NHS: variants seen among roughly 807,000 people sequenced by gnomAD.
NHS encodes the protein actin remodeling regulator NHS.
In NHS, 5 loss-of-function variants were observed where a neutral mutation model predicts 72.5. The observed-to-expected ratio is 0.07, with a 90% CI of 0.04 to 0.14. The LOEUF (loss-of-function observed/expected upper bound fraction) is 0.14, where lower values mean the gene tolerates loss of function less well. NHS is among the 10% of genes least tolerant of loss of function. The probability of loss-of-function intolerance (pLI) is 1.00; values close to 1 mark genes in which losing one functional copy is unlikely to be tolerated. For synonymous variants in NHS, 464 were observed against 547.7 expected, an observed-to-expected ratio of 0.85 and a Z score of 2.13; for missense variants, 1,072 against 1,355.7, an observed-to-expected ratio of 0.79 and a Z score of 3.29.
intron 1 of NHS, among the ~76,000 whole-genome samples, chrX:17,475,866 G>C (rs1484985462): frequency 9.0e-6 from 1 of 111,704 alleles, no homozygotes; most frequent in African/African-American, 3.3e-5. Context: ...CAGCCACCTT[G>C]CTCTTTGCCT....
At chrX:17,439,732 A>G (rs1394470217) in intron 1 of NHS, among the ~76,000 whole-genome samples, 2 of 112,474 alleles carry the variant, frequency 1.8e-5, no homozygotes, top group Non-Finnish European at 3.7e-5. Flanking sequence ...ACAATGCTAG[A>G]ATGAACATAC....
intron 1 of NHS, among the ~76,000 whole-genome samples, chrX:17,654,759 C>T (rs1423346977): frequency 1.8e-5 from 2 of 112,537 alleles, no homozygotes; most frequent in African/African-American, 6.5e-5. Context: ...TCCCACAAGT[C>T]ATCTTTGGAT....
intron 1 of NHS, among the ~76,000 whole-genome samples, chrX:17,546,329 CAA>C (rs2065293093): frequency 8.9e-6 from 1 of 112,186 alleles, no homozygotes; most frequent in South Asian, 3.7e-4. Context: ...GTGCAGCTGG[CAA>C]AACAGAAATG....
In NHS at chrX:17,732,247, C is replaced by A. The variant is rs754923697; in HGVS notation, c.4739C>A (p.Ser1580Tyr). The change falls in exon 9 of 9, where the codon TCC becomes TAC. Residue 1580 changes from serine (S) to tyrosine (Y), a missense_variant. Coordinates refer to ENST00000676302, the MANE Select transcript of NHS (RefSeq NM_001291867.2). ...AEALSPLSPC[S>Y]PRVNAEGFSS... ...GCATTGTCCCCACTCTCTCCATGCT[C>A]CCCACGAGTTAATGCAGAAGGCTTT... 3.3e-6 allele frequency: 4 copies of A among 1,210,443 alleles called. No individual in the cohort carries two copies. In the South Asian group the frequency reaches 7.0e-5, roughly 21 times the overall value.
chrX:17,378,689 T>TA (rs2064359209), intron 1 of NHS, among the ~76,000 whole-genome samples: 1 of 112,203 alleles, frequency 8.9e-6, no homozygotes, highest in Non-Finnish European at 1.9e-5. Context: ...TGGTTAGCCC[T>TA]GTGGGCAACT....
intron 1 of NHS, among the ~76,000 whole-genome samples, chrX:17,519,291 G>GA (rs1258073630): frequency 8.9e-6 from 1 of 112,215 alleles, no homozygotes; most frequent in Non-Finnish European, 1.9e-5. Flanking sequence ...CCTCACAGCA[G>GA]AAAAAATCCT....
intron 1 of NHS, chrX:17,635,548 G>C: frequency 2.6e-6 from 3 of 1,167,786 alleles, no homozygotes; most frequent in Non-Finnish European, 3.4e-6. Context: ...TCCTTAAGGA[G>C]CAGAGCGGGA....
chrX:17,446,742 G>A (rs928864733), intron 1 of NHS, among the ~76,000 whole-genome samples: 1 of 110,622 alleles, frequency 9.0e-6, no homozygotes, highest in African/African-American at 3.3e-5. Context: ...TAATATTTTG[G>A]TGTATATCCT....
At chrX:17,441,955 T>G (rs922321865) in intron 1 of NHS, among the ~76,000 whole-genome samples, 2 of 112,123 alleles carry the variant, frequency 1.8e-5, no homozygotes, top group African/African-American at 6.5e-5. Context: ...GGAGGACTTG[T>G]TTAAACAAGA....
intron 1 of NHS, among the ~76,000 whole-genome samples, chrX:17,543,356 A>C (rs146561105): frequency 8.9e-6 from 1 of 112,347 alleles, no homozygotes; most frequent in East Asian, 2.8e-4. Context: ...AATGCTTAAC[A>C]TTGTCCTAAG....
intron 1 of NHS, among the ~76,000 whole-genome samples, chrX:17,411,370 A>T (rs757938745): frequency 9.0e-6 from 1 of 111,564 alleles, no homozygotes; most frequent in Non-Finnish European, 1.9e-5. Flanking sequence ...GGCGCCAATA[A>T]ATTACACTTG....
At chrX:17,384,786 G>A (rs957916027) in intron 1 of NHS, among the ~76,000 whole-genome samples, 1 of 111,646 alleles carries the variant, frequency 9.0e-6, no homozygotes, top group African/African-American at 3.3e-5. Context: ...AAATTTTAGG[G>A]TCAAGGACAA....
At chrX:17,608,200 C>T (rs1476295813) in intron 1 of NHS, among the ~76,000 whole-genome samples, 1 of 111,482 alleles carries the variant, frequency 9.0e-6, no homozygotes, top group Non-Finnish European at 1.9e-5. Flanking sequence ...CAGGCGTGAG[C>T]CACCATGCCT....
At position 17,725,405 on chromosome X, in the gene NHS, C is replaced by A. The variant is rs200022378; in HGVS notation, c.1299C>A (p.Asp433Glu). ...ATGTGATTGTGCACACAAACCCAGA[C>A]CCCTCCAACACTGTCAATAGGATAT... ...ERNVIVHTNPDPSNTVNRISG... is the reference protein window; with the variant it reads ...ERNVIVHTNPEPSNTVNRISG... Residue 433 changes from aspartate (D) to glutamate (E), a missense_variant, in exon 7 of 9, where the codon GAC becomes GAA. Asp to Glu is a conservative substitution (Grantham distance 45, BLOSUM62 2). Coordinates refer to ENST00000676302, the MANE Select transcript of NHS (RefSeq NM_001291867.2). 3.3e-6 allele frequency: 4 copies of A among 1,208,324 alleles called. No homozygotes were observed. Among genetic ancestry groups the A allele is most frequent in the Non-Finnish European group, 4.5e-6 (4 of 892,800 alleles).
At chrX:17,510,273 G>A (rs1190884654) in intron 1 of NHS, among the ~76,000 whole-genome samples, 1 of 112,357 alleles carries the variant, frequency 8.9e-6, no homozygotes, top group Non-Finnish European at 1.9e-5. Flanking sequence ...AGAATTCTGG[G>A]TGCCTTTCTA....
intron 1 of NHS, among the ~76,000 whole-genome samples, chrX:17,553,907 AG>A (rs959134409): frequency 8.9e-6 from 1 of 112,020 alleles, no homozygotes; most frequent in African/African-American, 3.3e-5. Flanking sequence ...CCACTTGACA[AG>A]TAACACAGCA....
intron 1 of NHS, among the ~76,000 whole-genome samples, chrX:17,466,313 C>T (rs916681875): frequency 8.9e-6 from 1 of 112,528 alleles, no homozygotes; most frequent in Non-Finnish European, 1.9e-5. Flanking sequence ...AAAGGAATGT[C>T]TCCATGTTAG....
intron 1 of NHS, among the ~76,000 whole-genome samples, chrX:17,569,652 G>T (rs182610456): frequency 0.091 from 10,124 of 110,975 alleles, 943 homozygotes; most frequent in African/African-American, 0.28. Context: ...TCTTTTGCTG[G>T]GCAGAAGCTC....
intron 8 of NHS, among the ~76,000 whole-genome samples, chrX:17,730,090 C>T (rs779162789): frequency 7.1e-5 from 8 of 112,162 alleles, no homozygotes; most frequent in Non-Finnish European, 1.3e-4. Context: ...GTTTCTTTTC[C>T]TTCACCCCTG....
Sources: gnomAD v4.1 joint callset for allele counts (sites outside exome capture counted in the v4.1 genomes callset) on GRCh38, gnomAD v4.1.1 for gene constraint, MANE v1.5 for transcripts, NCBI Gene and HGNC (gene_info 2026-07-23, HGNC 2026-07-21) for gene names.